The following NR1H4 variants were observed in gnomAD, a reference collection of about 807,000 sequenced individuals.
NR1H4 encodes nuclear receptor subfamily 1 group H member 4, also known as bile acid receptor.
A neutral mutation model predicts 58.5 loss-of-function variants in NR1H4; 23 were observed. The observed-to-expected ratio is 0.39, with a 90% CI of 0.28 to 0.56. NR1H4 has a LOEUF of 0.56. Among genes scored for constraint, NR1H4 ranks in the 20% least tolerant of loss-of-function variants. The pLI is 0.58. For missense variants in NR1H4, 487 were observed against 576.9 expected (o/e 0.84, Z 1.60); for synonymous variants, 214 against 198.0 (o/e 1.08, Z -0.68).
rs1403040633 is a variant in NR1H4 at position 100,493,373 on chromosome 12, A to G, written c.50A>G (p.Asp17Gly). ...LIEHSHLPTT[D>G]EFSFSENLFG... Reference sequence around the variant, plus strand: ...GAACATTCCCATTTACCTACCACAGATGAATTTTCTTTTTCTGAAAATTTA... The same window carrying G: ...GAACATTCCCATTTACCTACCACAGGTGAATTTTCTTTTTCTGAAAATTTA... Residue 17 changes from aspartate to glycine, a missense_variant, in exon 3 of 11, where the codon GAT (aspartate) becomes GGT (glycine). Asp to Gly is a moderately conservative substitution (Grantham distance 94). Coordinates refer to ENST00000392986, the MANE Select transcript of NR1H4 (RefSeq NM_001206979.2). 6.4e-7 allele frequency: 1 copy of G among 1,572,110 alleles called. No homozygotes were observed. The highest frequency in any genetic ancestry group is 2.3e-5 in the East Asian group (1 of 44,432).
chr12:100,536,947 G>T lies in NR1H4; in HGVS notation c.832-1G>T, dbSNP rs1053963172. ...TCATTGGTTTTTTTCTTAAAATTTAGTTAAAAGAAGAATTCAGTGCAGAAG... is the reference window on the plus strand; with the variant it reads ...TCATTGGTTTTTTTCTTAAAATTTATTTAAAAGAAGAATTCAGTGCAGAAG... On this transcript the variant is annotated splice_acceptor_variant, in intron 7 of 10. Transcript: ENST00000392986. LOFTEE classifies it high-confidence loss of function. 2 of 1,526,808 alleles carry T rather than the reference G, an allele frequency of 1.3e-6. No individual in the cohort carries two copies. Among genetic ancestry groups the T allele is most frequent in the Non-Finnish European group, 1.8e-6 (2 of 1,118,316 alleles). 94.6% of individuals were successfully genotyped at this position (1,526,808 alleles called of 1,614,324 possible). A position where few individuals can be genotyped will look rare whatever the true frequency, so the allele number is the denominator to read the frequency against.
At chr12:100,531,802 T>C (rs1422185959) in intron 4 of NR1H4, among the ~76,000 whole-genome samples, 1 of 152,076 alleles carries the variant, frequency 6.6e-6, no homozygotes, top group Non-Finnish European at 1.5e-5. Context: ...GTGCTATACC[T>C]TCTCGGGGGA....
At position 100,535,103 on chromosome 12, in the gene NR1H4, C is replaced by G. The variant is rs2136237514; in HGVS notation, c.732+80C>G. Reference sequence around the variant, plus strand: ...CATAGTGAGCTGGCCAGGAGGCTTTCAAATTAAAGCCACAGGCACAGCTGA... The same window carrying G: ...CATAGTGAGCTGGCCAGGAGGCTTTGAAATTAAAGCCACAGGCACAGCTGA... On this transcript the variant is annotated intron_variant, in intron 6 of 10. Coordinates refer to ENST00000392986, the MANE Select transcript of NR1H4 (RefSeq NM_001206979.2). 25 of 1,502,798 alleles carry G rather than the reference C, an allele frequency of 1.7e-5. No homozygotes were observed. In the South Asian group the frequency reaches 2.8e-4, roughly 17 times the overall value. 93.1% of individuals were successfully genotyped at this position (1,502,798 alleles called of 1,614,324 possible).
At chr12:100,494,538 A>G (rs902719502) in intron 3 of NR1H4, among the ~76,000 whole-genome samples, 3 of 152,240 alleles carry the variant, frequency 2.0e-5, no homozygotes, top group Admixed American at 6.5e-5. Flanking sequence ...TCTTAGAGAG[A>G]CCAAAGGCGG....
Position 100,493,368 on chromosome 12 carries a change from C to T in NR1H4, c.45C>T (p.Thr15=). The part of the protein sequence containing the change: ...MNLIEHSHLP[T]TDEFSFSENL... ...TCATTGAACATTCCCATTTACCTAC[C>T]ACAGATGAATTTTCTTTTTCTGAAA... The change falls in exon 3 of 11, where the codon ACC becomes ACT. Residue 15 remains threonine (T), a synonymous_variant. Coordinates refer to ENST00000392986, the MANE Select transcript of NR1H4 (RefSeq NM_001206979.2). The T allele has an allele frequency of 6.3e-7, 1 of 1,577,252 alleles. No individual in the cohort carries two copies. Among genetic ancestry groups the T allele is most frequent in the Non-Finnish European group, 8.7e-7 (1 of 1,151,636 alleles).
At chr12:100,550,791 C>T (rs569757266) in intron 9 of NR1H4, among the ~76,000 whole-genome samples, 23 of 152,282 alleles carry the variant, frequency 1.5e-4, no homozygotes, top group African/African-American at 5.5e-4. Flanking sequence ...TTTTCCATCC[C>T]CACAAGGGAC....
At chr12:100,474,543 GTCT>G (rs1309497754) in intron 1 of NR1H4, among the ~76,000 whole-genome samples, 1 of 152,180 alleles carries the variant, frequency 6.6e-6, no homozygotes, top group East Asian at 1.9e-4. Flanking sequence ...GGTGGAAAAA[GTCT>G]TCTTTCTTGA....
chr12:100,475,463 G>C (rs753839719), intron 1 of NR1H4, among the ~76,000 whole-genome samples: 5 of 152,068 alleles, frequency 3.3e-5, no homozygotes, highest in African/African-American at 1.2e-4. Context: ...TTCCCACCAC[G>C]TACCTCTGCC....
intron 9 of NR1H4, among the ~76,000 whole-genome samples, chr12:100,556,797 T>A (rs1309656644): frequency 6.6e-6 from 1 of 152,224 alleles, no homozygotes; most frequent in Non-Finnish European, 1.5e-5. Context: ...ATAGTAATAC[T>A]GGCTTATCAG....
chr12:100,474,434 A>C (rs540393415), intron 1 of NR1H4, among the ~76,000 whole-genome samples: 1 of 152,276 alleles, frequency 6.6e-6, no homozygotes, highest in African/African-American at 2.4e-5. Flanking sequence ...TCTTGATGTG[A>C]GTTTGGGAGT....
chr12:100,527,671 A>G (rs1020705410), intron 4 of NR1H4, among the ~76,000 whole-genome samples: 4 of 152,214 alleles, frequency 2.6e-5, no homozygotes, highest in Non-Finnish European at 5.9e-5. Flanking sequence ...AAGAGATAAT[A>G]GTATGTGATG....
chr12:100,538,597 T>C (rs11610264), intron 8 of NR1H4, among the ~76,000 whole-genome samples: 30,315 of 152,186 alleles, frequency 0.2, 4,000 homozygotes, highest in Middle Eastern at 0.34. Context: ...TGTTTCAGTG[T>C]TTATTAAAAT....
Position 100,485,412 on chromosome 12 carries a change from C to A in NR1H4, c.-189-7091C>A, listed in dbSNP as rs113742493. Among the ~76,000 whole-genome samples the A allele has an allele frequency of 3.9e-5, 6 of 152,286 alleles. 1 individual carries two copies. The highest frequency in any genetic ancestry group is 1.4e-4 in the African/African-American group (6 of 41,572). On this transcript the variant is annotated intron_variant, in intron 1 of 10. Coordinates refer to ENST00000392986, the MANE Select transcript of NR1H4 (RefSeq NM_001206979.2). ...AGAGTAACAGTAATAATATGTAGCA[C>A]TGCTTTGCATATCTTTATATCAAAC...
intron 1 of NR1H4, among the ~76,000 whole-genome samples, chr12:100,480,034 G>C (rs1291056263): frequency 1.3e-5 from 2 of 152,112 alleles, no homozygotes; most frequent in Admixed American, 1.3e-4. Context: ...ATTATTTGTT[G>C]ACTTGTGTAT....
chr12:100,522,898 A>G (rs1217026907), intron 4 of NR1H4, among the ~76,000 whole-genome samples: 1 of 152,076 alleles, frequency 6.6e-6, no homozygotes, highest in African/African-American at 2.4e-5. Flanking sequence ...ATTCCTTTTT[A>G]TGGCTGAATG....
intron 1 of NR1H4, among the ~76,000 whole-genome samples, chr12:100,486,347 T>C (rs1026658913): frequency 2.0e-5 from 3 of 152,200 alleles, no homozygotes; most frequent in East Asian, 3.8e-4. Context: ...TCTGGTGATA[T>C]AGTAAAGACA....
chr12:100,555,817 C>A (rs1955309871), intron 9 of NR1H4, among the ~76,000 whole-genome samples: 1 of 152,200 alleles, frequency 6.6e-6, no homozygotes, highest in Non-Finnish European at 1.5e-5. Context: ...CTTATGACCT[C>A]TTAACCACTA....
chr12:100,505,477 T>C (rs1393759339), intron 3 of NR1H4: 1 of 633,418 alleles, frequency 1.6e-6, no homozygotes, highest in African/African-American at 1.8e-5. Context: ...TACAGAACCC[T>C]TCTATCACCT....
At chr12:100,518,298 A>G (rs1237407638) in intron 4 of NR1H4, among the ~76,000 whole-genome samples, 2 of 152,222 alleles carry the variant, frequency 1.3e-5, no homozygotes, top group Non-Finnish European at 2.9e-5. Context: ...TATAGAATAG[A>G]AGTAATCAAG....
Sources: gnomAD v4.1 joint callset for allele counts (sites outside exome capture counted in the v4.1 genomes callset) on GRCh38, gnomAD v4.1.1 for gene constraint, MANE v1.5 for transcripts, NCBI Gene and HGNC (gene_info 2026-07-23, HGNC 2026-07-21) for gene names.